KIAA0586: variants seen among roughly 807,000 people sequenced by gnomAD.
The protein encoded by KIAA0586 is KIAA0586.
KIAA0586 carries 144 observed loss-of-function variants against 169.8 expected under a neutral mutation model. The observed-to-expected ratio is 0.85, with a 90% CI of 0.74 to 0.97. KIAA0586 has a LOEUF of 0.97. KIAA0586 is among the 50% of genes least tolerant of loss of function. The pLI is 0.00. For missense variants in KIAA0586, 1,854 were observed against 1,823.0 expected (o/e 1.02, Z -0.31); for synonymous variants, 625 against 612.4 (o/e 1.02, Z -0.30).
At chr14:58,462,650 T>C (rs1327975356) in intron 14 of KIAA0586, among the ~76,000 whole-genome samples, 2 of 152,250 alleles carry the variant, frequency 1.3e-5, no homozygotes, top group African/African-American at 4.8e-5. Context: ...AAAATAACTT[T>C]ATTCAATAAC....
At chr14:58,443,794 ACT>A (rs975921361) in intron 5 of KIAA0586, among the ~76,000 whole-genome samples, 158 bp from the exon 6 acceptor site, 2 of 151,970 alleles carry the variant, frequency 1.3e-5, no homozygotes, top group African/African-American at 4.8e-5. Context: ...CATTTCTGTG[ACT>A]CTAAAAATAA....
chr14:58,549,997 C>T lies in KIAA0586; in HGVS notation c.*2065C>T, dbSNP rs934482626. The stretch of plus-strand genomic sequence containing the variant: ...TTAAAAAAAATTAGTGTCCATTCGA[C>T]GGTTTCTTTTTTTTTTTTTTGAGAT... On this transcript the variant is annotated 3_prime_UTR_variant, in exon 31 of 31. Coordinates refer to ENST00000652326, the MANE Select transcript of KIAA0586 (RefSeq NM_001329943.3). 2.6e-5 allele frequency: 4 copies of T among 151,082 alleles called. No individual in the cohort carries two copies. The highest frequency in any genetic ancestry group is 4.4e-5 in the Non-Finnish European group (3 of 67,888). 9.4% of individuals were successfully genotyped at this position (151,082 alleles called of 1,614,324 possible). A position where few individuals can be genotyped will look rare whatever the true frequency, so the allele number is the denominator to read the frequency against.
Position 58,460,010 on chromosome 14 carries a change from T to C in KIAA0586, c.1824T>C (p.His608=). Reference sequence around the variant, plus strand: ...ATTCTCAAAAGCAAATAGAAGAGCATTTTAGAAATCTACCTATGAGGGGCA... The same window carrying C: ...ATTCTCAAAAGCAAATAGAAGAGCACTTTAGAAATCTACCTATGAGGGGCA... The part of the protein sequence containing the change: ...RKHSQKQIEE[H]FRNLPMRGMP... Residue 608 remains histidine (H), a synonymous_variant, in exon 13 of 31, where the codon CAT becomes CAC. Transcript: ENST00000652326. 1.3e-6 allele frequency: 2 copies of C among 1,534,742 alleles called. No homozygotes were observed. The highest frequency in any genetic ancestry group is 1.7e-6 in the Non-Finnish European group (2 of 1,146,076).
At chr14:58,529,385 TGGCA>T (rs2045808485) in intron 29 of KIAA0586, among the ~76,000 whole-genome samples, 1 of 152,120 alleles carries the variant, frequency 6.6e-6, no homozygotes, top group African/African-American at 2.4e-5. Context: ...TACGAAAACC[TGGCA>T]GAGACACAAC....
At chr14:58,532,983 A>C (rs1214620564) in intron 29 of KIAA0586, among the ~76,000 whole-genome samples, 13 of 152,246 alleles carry the variant, frequency 8.5e-5, no homozygotes, top group Admixed American at 8.5e-4. Context: ...CAGAATGGTC[A>C]GGAACCTTTT....
intron 3 of KIAA0586, among the ~76,000 whole-genome samples, chr14:58,431,495 G>T (rs371438596): frequency 6.3e-4 from 96 of 152,144 alleles, no homozygotes; most frequent in African/African-American, 2.3e-3. Context: ...TCAAACTCCT[G>T]ACCTCAAGTG....
chr14:58,484,826 A>G (rs970710937), intron 21 of KIAA0586, among the ~76,000 whole-genome samples: 1 of 140,226 alleles, frequency 7.1e-6, no homozygotes, highest in Non-Finnish European at 1.5e-5. Flanking sequence ...ATAAAGGGTA[A>G]TCACCTTATA....
chr14:58,508,122 T>C (rs1307529122), intron 27 of KIAA0586, among the ~76,000 whole-genome samples: 1 of 152,174 alleles, frequency 6.6e-6, no homozygotes, highest in African/African-American at 2.4e-5. Flanking sequence ...GCTTGATCAC[T>C]TGAAGAACAA....
chr14:58,520,162 G>A (rs751591228), intron 29 of KIAA0586, among the ~76,000 whole-genome samples: 59 of 152,134 alleles, frequency 3.9e-4, no homozygotes, highest in Admixed American at 1.9e-3. Context: ...AAGAAAAATC[G>A]TGTTGACATT....
chr14:58,468,717 C>G (rs991844163), intron 16 of KIAA0586, among the ~76,000 whole-genome samples: 1 of 152,200 alleles, frequency 6.6e-6, no homozygotes, highest in Non-Finnish European at 1.5e-5. Context: ...TTACATGCGA[C>G]TTTCTATTGA....
chr14:58,443,976 A>C lies in KIAA0586; in HGVS notation c.608A>C (p.Lys203Thr). 1 of 1,606,684 alleles carries C rather than the reference A, an allele frequency of 6.2e-7. No individual in the cohort carries two copies. Among genetic ancestry groups the C allele is most frequent in the Non-Finnish European group, 8.5e-7 (1 of 1,175,478 alleles). ...TAGGTGCAGAGTGATTTGGAAGCAA[A>C]AGTCAATTCTGTTACAGAATTACTT... The part of the protein sequence containing the change: ...LIKVQSDLEA[K>T]VNSVTELLSK... Residue 203 changes from lysine to threonine, a missense_variant, in exon 6 of 31, where the codon AAA (lysine) becomes ACA (threonine). Lys to Thr is a moderately conservative substitution (Grantham distance 78, BLOSUM62 -1). Coordinates refer to ENST00000652326, the MANE Select transcript of KIAA0586 (RefSeq NM_001329943.3).
At position 58,549,994 on chromosome 14, in the gene KIAA0586, C is replaced by A. The variant is rs1333169354; in HGVS notation, c.*2062C>A. 6.6e-6 allele frequency: 1 copy of A among 151,102 alleles called. No homozygotes were observed. Among genetic ancestry groups the A allele is most frequent in the African/African-American group, 2.4e-5 (1 of 41,088 alleles). The allele number at this position is 151,102 out of a possible 1,614,324, so 9.4% of individuals were successfully genotyped here. A position where few individuals can be genotyped will look rare whatever the true frequency, so the allele number is the denominator to read the frequency against. Reference sequence around the variant, plus strand: ...CTTTTAAAAAAAATTAGTGTCCATTCGACGGTTTCTTTTTTTTTTTTTTGA... The same window carrying A: ...CTTTTAAAAAAAATTAGTGTCCATTAGACGGTTTCTTTTTTTTTTTTTTGA... On this transcript the variant is annotated 3_prime_UTR_variant, in exon 31 of 31. Coordinates refer to ENST00000652326, the MANE Select transcript of KIAA0586 (RefSeq NM_001329943.3).
intron 28 of KIAA0586, 55 bp from the exon 29 acceptor site, chr14:58,512,467 A>T: frequency 1.0e-6 from 1 of 972,338 alleles, no homozygotes; most frequent in Non-Finnish European, 1.5e-6. Flanking sequence ...GACTTCTCAG[A>T]TTTTTTTAAG....
chr14:58,547,699 C>T (rs1302569044), intron 30 of KIAA0586, 82 bp from the exon 31 acceptor site: 1 of 1,163,858 alleles, frequency 8.6e-7, no homozygotes, highest in Non-Finnish European at 1.2e-6. Flanking sequence ...CCCACCCCAA[C>T]CTCATATTAT....
chr14:58,506,460 C>T (rs985238972), intron 27 of KIAA0586, among the ~76,000 whole-genome samples: 2 of 151,622 alleles, frequency 1.3e-5, no homozygotes, highest in African/African-American at 4.8e-5. Flanking sequence ...GAGCGGATCA[C>T]TTGAGCACTT....
At chr14:58,515,960 A>G (rs1310692053) in intron 29 of KIAA0586, among the ~76,000 whole-genome samples, 1 of 152,162 alleles carries the variant, frequency 6.6e-6, no homozygotes. Context: ...ATGCAGAGCA[A>G]CTAAGTAGCC....
chr14:58,526,854 A>G (rs1202636857), intron 29 of KIAA0586, among the ~76,000 whole-genome samples: 1 of 152,198 alleles, frequency 6.6e-6, no homozygotes, highest in Non-Finnish European at 1.5e-5. Context: ...TTGCTTACTC[A>G]GGTCATCTAA....
rs2043346540 is a variant in KIAA0586, at chr14:58,498,836, A to T, written c.4044A>T (p.Thr1348=). The change falls in exon 27 of 31, where the codon ACA becomes ACT. Residue 1348 remains threonine, a synonymous_variant. Transcript: ENST00000652326. ...GTGAAGGACAAAGACCCCAGCTAAC[A>T]GCGGCAGCAGAGAACATCTTAATGG... is the stretch of plus-strand genomic sequence containing the variant. ...ELSEGQRPQL[T]AAAENILMGH... The T allele has an allele frequency of 6.2e-7, 1 of 1,611,666 alleles. No homozygotes were observed. The highest frequency in any genetic ancestry group is 8.5e-7 in the Non-Finnish European group (1 of 1,178,970).
chr14:58,468,807 G>A (rs968106899), intron 16 of KIAA0586, among the ~76,000 whole-genome samples: 3 of 152,174 alleles, frequency 2.0e-5, no homozygotes, highest in Non-Finnish European at 2.9e-5. Flanking sequence ...TCCTGTATTC[G>A]TCTTACCATC....
Sources: gnomAD v4.1 joint callset for allele counts (sites outside exome capture counted in the v4.1 genomes callset) on GRCh38, gnomAD v4.1.1 for gene constraint, MANE v1.5 for transcripts, NCBI Gene and HGNC (gene_info 2026-07-23, HGNC 2026-07-21) for gene names.